PCNP: variants seen among roughly 807,000 people sequenced by gnomAD.
PCNP encodes the protein PEST proteolytic signal-containing nuclear protein.
A neutral mutation model predicts 21.8 loss-of-function variants in PCNP; 6 were observed. That is an observed-to-expected ratio of 0.28 (90% CI 0.15 to 0.54). PCNP has a LOEUF of 0.54. Among genes scored for constraint, PCNP ranks in the 20% least tolerant of loss-of-function variants. The pLI is 0.95. For missense variants in PCNP, 161 were observed against 215.5 expected (o/e 0.75, Z 1.58); for synonymous variants, 67 against 73.2 (o/e 0.92, Z 0.43).
At chr3:101,575,560 A>T (rs182056603) in intron 1 of PCNP, among the ~76,000 whole-genome samples, 27 of 151,710 alleles carry the variant, frequency 1.8e-4, no homozygotes, top group African/African-American at 5.6e-4. Flanking sequence ...TCACTAGGGA[A>T]TTTTTTTTCC....
At position 101,593,517 on chromosome 3, in the gene PCNP, G is replaced by C. The variant is rs549384470; in HGVS notation, c.*764G>C. ...CCTGTAAGCATTTCCACCAGAACTT[G>C]AGGCAAATCGTAAGGAAGCTGTTTC... On this transcript the variant is annotated 3_prime_UTR_variant, in exon 5 of 5. Transcript: ENST00000265260. 6.6e-6 allele frequency: 1 copy of C among 152,638 alleles called. No individual in the cohort carries two copies. Among genetic ancestry groups the C allele is most frequent in the South Asian group, 2.1e-4 (1 of 4,820 alleles). The allele number at this position is 152,638 out of a possible 1,614,324, so 9.5% of individuals were successfully genotyped here.
chr3:101,576,918 C>G, intron 1 of PCNP: 1 of 1,593,436 alleles, frequency 6.3e-7, no homozygotes, highest in Non-Finnish European at 8.6e-7. Flanking sequence ...GCAAAATATG[C>G]TGGAACTTTT....
chr3:101,581,680 C>T (rs1395994187), intron 2 of PCNP, among the ~76,000 whole-genome samples: 5 of 148,986 alleles, frequency 3.4e-5, no homozygotes, highest in African/African-American at 9.9e-5. Flanking sequence ...GTGATCTGTC[C>T]ACCTCAGCCT....
At position 101,575,572 on chromosome 3, in the gene PCNP, A is replaced by C. The variant is rs186204310; in HGVS notation, c.64+1293A>C. 6.2e-3 allele frequency among the ~76,000 whole-genome samples: 946 copies of C among 151,954 alleles called. 5 individuals carry two copies. Among genetic ancestry groups the C allele is most frequent in the Non-Finnish European group, 9.9e-3 (670 of 67,942 alleles). On this transcript the variant is annotated intron_variant, in intron 1 of 4. Coordinates refer to ENST00000265260, the MANE Select transcript of PCNP (RefSeq NM_020357.3). ...TTCTCACTAGGGAATTTTTTTTCCCAAAAAAATTGTATTGGAAATTGTGGG... is the reference window on the plus strand; with the variant it reads ...TTCTCACTAGGGAATTTTTTTTCCCCAAAAAATTGTATTGGAAATTGTGGG...
At chr3:101,584,253 G>A (rs935762999) in intron 2 of PCNP, among the ~76,000 whole-genome samples, 4 of 152,094 alleles carry the variant, frequency 2.6e-5, no homozygotes, top group African/African-American at 4.8e-5. Flanking sequence ...GAATGAAATC[G>A]ACCAGAGAAG....
intron 1 of PCNP, among the ~76,000 whole-genome samples, chr3:101,575,970 T>G (rs1402219830): frequency 2.0e-5 from 3 of 152,210 alleles, no homozygotes; most frequent in Non-Finnish European, 4.4e-5. Flanking sequence ...CTACATAATT[T>G]GTCTCCTTGC....
chr3:101,574,270 G>A lies in PCNP; in HGVS notation c.55G>A (p.Ala19Thr), dbSNP rs1334854135. ...EKPEKSQRAG[A>T]AGGPEEEAEK... Reference sequence around the variant, plus strand: ...GCCTGAAAAGTCGCAGCGAGCTGGAGCCGCCGGAGGTGAACACAACCCCAG... The same window carrying A: ...GCCTGAAAAGTCGCAGCGAGCTGGAACCGCCGGAGGTGAACACAACCCCAG... Residue 19 changes from alanine (A) to threonine (T), a missense_variant, in exon 1 of 5, where the codon GCC becomes ACC. Physicochemically the swap from Ala to Thr is moderately conservative, Grantham distance 58. Coordinates refer to ENST00000265260, the MANE Select transcript of PCNP (RefSeq NM_020357.3). 4 of 1,545,614 alleles carry A rather than the reference G, an allele frequency of 2.6e-6. No homozygotes were observed. Among genetic ancestry groups the A allele is most frequent in the East Asian group, 5.0e-5 (2 of 40,278 alleles).
intron 3 of PCNP, among the ~76,000 whole-genome samples, chr3:101,587,082 C>T (rs1416400231): frequency 1.3e-5 from 2 of 151,952 alleles, no homozygotes; most frequent in African/African-American, 4.8e-5. Flanking sequence ...GAAACCCCGT[C>T]TCTACTAAAA....
At chr3:101,579,409 C>T (rs1268186497) in intron 1 of PCNP, among the ~76,000 whole-genome samples, 1 of 152,068 alleles carries the variant, frequency 6.6e-6, no homozygotes, top group Non-Finnish European at 1.5e-5. Flanking sequence ...ATTATTTTAC[C>T]GTGTGACCAA....
At chr3:101,580,776 G>C (rs1377211375) in intron 2 of PCNP, among the ~76,000 whole-genome samples, 1 of 152,146 alleles carries the variant, frequency 6.6e-6, no homozygotes, top group Middle Eastern at 3.2e-3. Flanking sequence ...TGAAGTTGTA[G>C]ATACTTGTTT....
At chr3:101,588,058 G>C (rs1390991282) in intron 3 of PCNP, among the ~76,000 whole-genome samples, 1 of 152,136 alleles carries the variant, frequency 6.6e-6, no homozygotes, top group Non-Finnish European at 1.5e-5. Context: ...GGATCACGAG[G>C]TCAGGAGGTC....
At chr3:101,590,091 CT>C in intron 3 of PCNP, 123 bp from the exon 4 acceptor site, 1 of 652,400 alleles carries the variant, frequency 1.5e-6, no homozygotes, top group Admixed American at 3.0e-5. Flanking sequence ...TAATTTTCTC[CT>C]TTTACCAAAA....
chr3:101,583,948 G>T (rs1192817199), intron 2 of PCNP, among the ~76,000 whole-genome samples: 2 of 150,046 alleles, frequency 1.3e-5, no homozygotes, highest in African/African-American at 4.9e-5. Flanking sequence ...ACAAGCATGA[G>T]CCCCTGTGCC....
At chr3:101,582,144 C>A (rs890683441) in intron 2 of PCNP, among the ~76,000 whole-genome samples, 1 of 151,536 alleles carries the variant, frequency 6.6e-6, no homozygotes, top group Non-Finnish European at 1.5e-5. Context: ...TTTTGGAAAA[C>A]AAATCTGTTT....
chr3:101,592,254 A>C (rs1191766360), intron 4 of PCNP, among the ~76,000 whole-genome samples: 1 of 151,592 alleles, frequency 6.6e-6, no homozygotes, highest in East Asian at 1.9e-4. Flanking sequence ...GCTCACTGCA[A>C]CCTCTGCCTC....
At chr3:101,574,441 C>T (rs771842896) in intron 1 of PCNP, among the ~76,000 whole-genome samples, 162 bp downstream of exon 1, 1 of 152,174 alleles carries the variant, frequency 6.6e-6, no homozygotes, top group Non-Finnish European at 1.5e-5. Flanking sequence ...ATGCGGCCCT[C>T]TGGGCTCCGG....
At chr3:101,587,347 T>G (rs1180960028) in intron 3 of PCNP, among the ~76,000 whole-genome samples, 1 of 148,168 alleles carries the variant, frequency 6.7e-6, no homozygotes, top group Admixed American at 6.7e-5. Context: ...CTGGAGAGTT[T>G]TGTAGAGGAA....
At chr3:101,583,039 G>C (rs1576612864) in intron 2 of PCNP, among the ~76,000 whole-genome samples, 1 of 152,210 alleles carries the variant, frequency 6.6e-6, no homozygotes, top group South Asian at 2.1e-4. Flanking sequence ...GATGCAGAAA[G>C]TGGTGAGGCC....
intron 2 of PCNP, among the ~76,000 whole-genome samples, 183 bp downstream of exon 2, chr3:101,580,187 CAATA>C (rs1559958438): frequency 6.6e-6 from 1 of 151,800 alleles, no homozygotes; most frequent in African/African-American, 2.4e-5. Flanking sequence ...AATTTTATCT[CAATA>C]AAGCTGTTAA....
Sources: allele counts gnomAD v4.1 joint callset (sites outside exome capture counted in the v4.1 genomes callset), GRCh38; gene constraint gnomAD v4.1.1; transcripts MANE v1.5; gene names NCBI Gene and HGNC (gene_info 2026-07-23, HGNC 2026-07-21).